The following KIF5A variants were observed in gnomAD, a reference collection of about 807,000 sequenced individuals.
The protein encoded by KIF5A is kinesin heavy chain isoform 5A.
Under a neutral mutation model 141.3 loss-of-function variants are expected in KIF5A, and 35 were observed. The observed-to-expected ratio is 0.25, with a 90% CI of 0.19 to 0.33. The LOEUF (loss-of-function observed/expected upper bound fraction) is 0.33. Among genes scored for constraint, KIF5A ranks in the 10% least tolerant of loss-of-function variants. The probability of loss-of-function intolerance (pLI) is 1.00; values close to 1 mark genes in which losing one functional copy is unlikely to be tolerated. For missense variants in KIF5A, 861 were observed against 1,314.3 expected (o/e 0.66, Z 5.33); for synonymous variants, 448 against 500.2 (o/e 0.90, Z 1.39).
chr12:57,551,451 C>T (rs1881570008), intron 1 of KIF5A, among the ~76,000 whole-genome samples: 1 of 152,200 alleles, frequency 6.6e-6, no homozygotes, highest in Non-Finnish European at 1.5e-5. Context: ...CTGTTCTGCA[C>T]CTTTATCTGT....
chr12:57,576,737 C>T, intron 19 of KIF5A, 24 bp from the exon 20 acceptor site: 1 of 1,557,582 alleles, frequency 6.4e-7, no homozygotes, highest in Non-Finnish European at 8.9e-7. Context: ...TCCCCCATCT[C>T]CATTACCTTC....
At chr12:57,570,707 A>AT (rs1336215489) in intron 12 of KIF5A, among the ~76,000 whole-genome samples, 4 of 152,096 alleles carry the variant, frequency 2.6e-5, no homozygotes, top group African/African-American at 9.6e-5. Flanking sequence ...TATACATCTG[A>AT]TTTTTTTCAT....
chr12:57,560,874 G>A (rs974521900), intron 1 of KIF5A, among the ~76,000 whole-genome samples: 1 of 152,048 alleles, frequency 6.6e-6, no homozygotes, highest in African/African-American at 2.4e-5. Context: ...ATAGTGGTAT[G>A]TGCCTGTGGT....
At position 57,575,768 on chromosome 12, in the gene KIF5A, C is replaced by T; in HGVS notation, c.2023+11C>T. 1 of 1,551,626 alleles carries T rather than the reference C, an allele frequency of 6.4e-7. No individual in the cohort carries two copies. The highest frequency in any genetic ancestry group is 8.9e-7 in the Non-Finnish European group (1 of 1,122,860). ...AGCTCCAGGCCCAGGGTGAGGCCTTCTTATACCTCCATCCCACTGTCCAGG... is the reference window on the plus strand; with the variant it reads ...AGCTCCAGGCCCAGGGTGAGGCCTTTTTATACCTCCATCCCACTGTCCAGG... On this transcript the variant is annotated intron_variant, in intron 17 of 28. Transcript: ENST00000455537.
At chr12:57,577,967 C>T (rs1256272083) in intron 21 of KIF5A, 42 bp from the exon 22 acceptor site, 2 of 1,498,184 alleles carry the variant, frequency 1.3e-6, no homozygotes, top group Non-Finnish European at 1.9e-6. Flanking sequence ...ATAGGACAGA[C>T]CTGGTATCTG....
At chr12:57,580,879 TC>T in intron 23 of KIF5A, 76 bp from the exon 24 acceptor site, 1 of 1,308,110 alleles carries the variant, frequency 7.6e-7, no homozygotes, top group Non-Finnish European at 1.1e-6. Context: ...CTCACCCCTG[TC>T]CCCTACGCTC....
chr12:57,583,148 T>C lies in KIF5A; in HGVS notation c.3068T>C (p.Phe1023Ser), dbSNP rs756348570. ...GAGGCTGAGGACCAGGCCAAGCTTT[T>C]CCCTCTCCACCAAGAGACAGCAGCC... The part of the protein sequence containing the change: ...GYEAEDQAKL[F>S]PLHQETAAS Residue 1023 changes from phenylalanine (F) to serine (S), a missense_variant, in exon 28 of 29, where the codon TTC becomes TCC. Physicochemically the swap from Phe to Ser is radical, Grantham distance 155. This residue lies in a region of KIF5A where 482 missense variants were observed against 661.3 expected (regional missense o/e 0.73). Transcript: ENST00000455537. The C allele has an allele frequency of 1.9e-6, 3 of 1,614,022 alleles. No individual in the cohort carries two copies. The East Asian group carries it at 6.7e-5, about 36-fold the overall frequency.
At chr12:57,578,160 T>G (rs1208506882) in intron 22 of KIF5A, 78 bp from the exon 23 acceptor site, 1 of 1,571,494 alleles carries the variant, frequency 6.4e-7, no homozygotes, top group African/African-American at 1.4e-5. Flanking sequence ...GTTGCCCCTA[T>G]GGGGCTGGCT....
At chr12:57,582,437 T>C (rs886403156) in intron 26 of KIF5A, among the ~76,000 whole-genome samples, 165 bp from the exon 27 acceptor site, 3 of 152,126 alleles carry the variant, frequency 2.0e-5, no homozygotes, top group Non-Finnish European at 2.9e-5. Flanking sequence ...AAACTTTTTC[T>C]CGAACAAAAT....
At chr12:57,571,483 G>A in intron 13 of KIF5A, 94 bp downstream of exon 13, 1 of 1,290,294 alleles carries the variant, frequency 7.8e-7, no homozygotes, top group South Asian at 1.3e-5. Flanking sequence ...ATGGAAGAAG[G>A]CGCTTTCTGC....
intron 1 of KIF5A, among the ~76,000 whole-genome samples, chr12:57,560,675 T>A (rs1881880363): frequency 6.6e-6 from 1 of 152,228 alleles, no homozygotes; most frequent in Admixed American, 6.6e-5. Flanking sequence ...CACCTTTTTC[T>A]GTTTAGTTTT....
At chr12:57,581,697 G>T in intron 25 of KIF5A, 129 bp downstream of exon 25, 1 of 1,274,976 alleles carries the variant, frequency 7.8e-7, no homozygotes. Flanking sequence ...TCATGCCTAT[G>T]ATTAGAAGGT....
intron 8 of KIF5A, 75 bp downstream of exon 8, chr12:57,567,693 C>T: frequency 1.4e-6 from 2 of 1,454,512 alleles, no homozygotes; most frequent in South Asian, 2.7e-5. Context: ...CAGAGTCTCA[C>T]TCTGTCGCCC....
chr12:57,562,774 A>G (rs558553560), intron 1 of KIF5A, among the ~76,000 whole-genome samples: 1 of 152,286 alleles, frequency 6.6e-6, no homozygotes, highest in African/African-American at 2.4e-5. Context: ...TTCTAGCTTG[A>G]GATACTTTTT....
chr12:57,576,547 C>T (rs1396150860), intron 19 of KIF5A, among the ~76,000 whole-genome samples, 169 bp downstream of exon 19: 2 of 152,170 alleles, frequency 1.3e-5, no homozygotes, highest in Admixed American at 1.3e-4. Flanking sequence ...ACGACTAGTC[C>T]CTATCCTTGA....
At chr12:57,567,387 G>C in intron 7 of KIF5A, 107 bp from the exon 8 acceptor site, 3 of 1,453,796 alleles carry the variant, frequency 2.1e-6, no homozygotes, top group Non-Finnish European at 2.8e-6. Context: ...TAGTCCTGGT[G>C]GGCACCTTCT....
chr12:57,583,065 T>C lies in KIF5A; in HGVS notation c.3021-36T>C, dbSNP rs531229672. The C allele has an allele frequency of 4.6e-5, 71 of 1,547,846 alleles. 1 individual carries two copies. The South Asian group carries it at 7.9e-4, about 17-fold the overall frequency. On this transcript the variant is annotated intron_variant, in intron 27 of 28. Transcript: ENST00000455537. The stretch of plus-strand genomic sequence containing the variant: ...CCATGATGACAGGAATACTTTAATT[T>C]CTATGGAGCTGATCATGGTGGGTCT...
rs1335021412 is a variant in KIF5A, at chr12:57,550,733, A to G, written c.129+333A>G. 2.0e-5 allele frequency among the ~76,000 whole-genome samples: 3 copies of G among 152,156 alleles called. No homozygotes were observed. Among genetic ancestry groups the G allele is most frequent in the Admixed American group, 1.3e-4 (2 of 15,278 alleles). ...CCCCTTCTCCACCACCCGCTCCCCA[A>G]GAGAAAGCGCATCTTCCCTTTGTTA... On this transcript the variant is annotated intron_variant, in intron 1 of 28. Coordinates refer to ENST00000455537, the MANE Select transcript of KIF5A (RefSeq NM_004984.4). This position sits in a 1 kb window ranked among gnomAD's most constrained non-coding sequence, Gnocchi z 4.6.
intron 11 of KIF5A, 66 bp downstream of exon 11, chr12:57,569,749 C>T (rs1455312032): frequency 1.3e-6 from 2 of 1,594,242 alleles, no homozygotes; most frequent in Non-Finnish European, 1.7e-6. Context: ...GGAGCCAACT[C>T]TGTTTGGGTG....
Sources: gnomAD v4.1 joint callset for allele counts (sites outside exome capture counted in the v4.1 genomes callset) on GRCh38, gnomAD v4.1.1 for gene constraint, gnomAD v4.1.1 regional missense constraint, Gnocchi (gnomAD v3.1) non-coding constraint, MANE v1.5 for transcripts, NCBI Gene and HGNC (gene_info 2026-07-23, HGNC 2026-07-21) for gene names.